ERBB4: variants seen among roughly 807,000 people sequenced by gnomAD.
ERBB4 encodes erb-b2 receptor tyrosine kinase 4.
In ERBB4, 42 loss-of-function variants were observed where a neutral mutation model predicts 158.0. The ratio of observed to expected loss-of-function variants is 0.27; its 90% CI spans 0.21 to 0.34. The LOEUF is 0.34. Ranked by LOEUF, ERBB4 falls within the 10% of genes least tolerant of loss-of-function variation. The probability of loss-of-function intolerance (pLI) is 1.00; values close to 1 mark genes in which losing one functional copy is unlikely to be tolerated. For missense variants in ERBB4, 1,333 were observed against 1,624.1 expected, an observed-to-expected ratio of 0.82 and a Z score of 3.08; for synonymous variants, 583 against 558.7, an observed-to-expected ratio of 1.04 and a Z score of -0.61.
intron 1 of ERBB4, among the ~76,000 whole-genome samples, chr2:212,406,438 T>A (rs1412866362): frequency 6.6e-6 from 1 of 152,164 alleles, no homozygotes; most frequent in East Asian, 1.9e-4. Flanking sequence ...TTTCTTGGTA[T>A]AAAATGAGAA....
chr2:211,436,037 G>A (rs1002591840), intron 20 of ERBB4, among the ~76,000 whole-genome samples: 4 of 151,964 alleles, frequency 2.6e-5, no homozygotes, highest in African/African-American at 4.8e-5. Flanking sequence ...GCTCACTGCA[G>A]CCTCAACCTC....
intron 1 of ERBB4, among the ~76,000 whole-genome samples, chr2:212,505,196 A>C (rs1235794202): frequency 6.6e-6 from 1 of 152,162 alleles, no homozygotes; most frequent in Non-Finnish European, 1.5e-5. Flanking sequence ...TCCCGGGTTC[A>C]AGCGATTCTC....
At chr2:212,101,465 A>T (rs940729631) in intron 2 of ERBB4, among the ~76,000 whole-genome samples, 2 of 151,460 alleles carry the variant, frequency 1.3e-5, no homozygotes, top group Admixed American at 1.3e-4. Context: ...AAAGATTTCC[A>T]AGCTTCTTAA....
chr2:212,248,723 T>C (rs1286589623), intron 1 of ERBB4, among the ~76,000 whole-genome samples: 3 of 152,118 alleles, frequency 2.0e-5, no homozygotes, highest in Non-Finnish European at 2.9e-5. Context: ...ATTAGCTAGA[T>C]TAGTACTAAA....
chr2:211,544,383 G>A (rs139163388), intron 20 of ERBB4, among the ~76,000 whole-genome samples: 6 of 152,128 alleles, frequency 3.9e-5, no homozygotes, highest in Admixed American at 6.5e-5. Context: ...AATTAGGCAT[G>A]GGTACCATCA....
chr2:212,185,052 A>T (rs1419770725), intron 1 of ERBB4, among the ~76,000 whole-genome samples: 8 of 99,352 alleles, frequency 8.1e-5, no homozygotes, highest in Non-Finnish European at 1.5e-4. Context: ...ACAGAGTCTC[A>T]CTCTGTTGCC....
intron 1 of ERBB4, among the ~76,000 whole-genome samples, chr2:212,432,372 C>T (rs1385193102): frequency 6.6e-6 from 1 of 152,028 alleles, no homozygotes; most frequent in Non-Finnish European, 1.5e-5. Context: ...TTGCAATTTG[C>T]TTTTAAGTTA....
rs34492305 is a variant in ERBB4, at chr2:211,675,792, T to TTATATATATATATATATATATA, written c.1623-2536_1623-2535insTATATATATATATATATATATA. On this transcript the variant is annotated intron_variant, in intron 13 of 27. Coordinates refer to ENST00000342788, the MANE Select transcript of ERBB4 (RefSeq NM_005235.3). ...TATAATATATATATAAAATATAATATTATATATATATATATATAACAAATA... is the reference window on the plus strand; with the variant it reads ...TATAATATATATATAAAATATAATATTATATATATATATATATATATATATATATATATATATATAACAAATA... Among the ~76,000 whole-genome samples the TTATATATATATATATATATATA allele has an allele frequency of 1.5e-4, 14 of 93,586 alleles. No homozygotes were observed. The South Asian group carries it at 1.9e-3, about 13-fold the overall frequency. The allele number at this position is 93,586 out of a possible 152,430, so 61.4% of individuals were successfully genotyped here.
chr2:212,272,325 C>T (rs1408405838), intron 1 of ERBB4, among the ~76,000 whole-genome samples: 1 of 151,376 alleles, frequency 6.6e-6, no homozygotes, highest in East Asian at 1.9e-4. Context: ...ACAAAGCCAA[C>T]TGCTCAACAA....
intron 2 of ERBB4, among the ~76,000 whole-genome samples, chr2:212,042,853 A>G (rs1000911531): frequency 6.6e-6 from 1 of 152,148 alleles, no homozygotes; most frequent in African/African-American, 2.4e-5. Context: ...TTTAGTCTAT[A>G]TTTTATAAGA....
At chr2:211,939,924 G>T (rs1381278260) in intron 3 of ERBB4, among the ~76,000 whole-genome samples, 1 of 147,244 alleles carries the variant, frequency 6.8e-6, no homozygotes, top group East Asian at 1.9e-4. Flanking sequence ...TCCAGCCTGG[G>T]CCACAGAGCA....
In ERBB4 at chr2:211,851,287, T is replaced by C. The variant is rs1425045774; in HGVS notation, c.422-63128A>G. ...ATGGTGTTAAGGTCTGCAAGAAATA[T>C]AATTTATTTAATGAAAATAAATTCA... On this transcript the variant is annotated intron_variant, in intron 3 of 27. Coordinates refer to ENST00000342788, the MANE Select transcript of ERBB4 (RefSeq NM_005235.3). Among the ~76,000 whole-genome samples, 3 of 151,968 alleles carry C rather than the reference T, an allele frequency of 2.0e-5. No individual in the cohort carries two copies. The East Asian group carries it at 5.8e-4, about 29-fold the overall frequency.
intron 10 of ERBB4, among the ~76,000 whole-genome samples, chr2:211,704,673 T>C (rs1435633152): frequency 2.0e-5 from 3 of 152,216 alleles, no homozygotes; most frequent in African/African-American, 7.2e-5. Flanking sequence ...ATGCTTAATA[T>C]GTATGTGCTA....
chr2:212,003,215 A>AGACAGAC (rs2076174895), intron 2 of ERBB4, among the ~76,000 whole-genome samples: 1 of 47,278 alleles, frequency 2.1e-5, no homozygotes, highest in African/African-American at 5.4e-5. Context: ...GACAGAAAGA[A>AGACAGAC]GGAAGGAAGG....
chr2:211,507,895 A>T lies in ERBB4; in HGVS notation c.2487+54008T>A, dbSNP rs189633704. ...ACAAGCAATGGAGAAAGGATTCCCTATTTAATAAAAGGTTCTGGGAAAACT... is the reference window on the plus strand; with the variant it reads ...ACAAGCAATGGAGAAAGGATTCCCTTTTTAATAAAAGGTTCTGGGAAAACT... On this transcript the variant is annotated intron_variant, in intron 20 of 27. Transcript: ENST00000342788. 5.8e-3 allele frequency among the ~76,000 whole-genome samples: 890 copies of T among 152,300 alleles called. 15 individuals carry two copies. The highest frequency in any genetic ancestry group is 0.02 in the African/African-American group (843 of 41,590).
intron 2 of ERBB4, among the ~76,000 whole-genome samples, chr2:211,997,094 G>T (rs553738618): frequency 5.3e-5 from 8 of 152,074 alleles, no homozygotes; most frequent in African/African-American, 1.7e-4. Flanking sequence ...GAAACAAGAT[G>T]AAGAGAGCAT....
rs147226002 is a variant in ERBB4 at position 211,713,557 on chromosome 2, A to C, written c.975T>G (p.Pro325=). ...CACCTTTTGGGCAAATGTCAGTGCA[A>C]GGTTTACACATTTTAATCCCATTTT... The part of the protein sequence containing the change: ...VEENGIKMCK[P]CTDICPKACD... The change falls in exon 8 of 28, where the codon CCT becomes CCG. Residue 325 remains proline, a synonymous_variant. Coordinates refer to ENST00000342788, the MANE Select transcript of ERBB4 (RefSeq NM_005235.3). 45 of 1,608,884 alleles carry C rather than the reference A, an allele frequency of 2.8e-5. No homozygotes were observed. In the African/African-American group the frequency reaches 5.5e-4, roughly 20 times the overall value.
chr2:212,086,416 G>T (rs560052072), intron 2 of ERBB4, among the ~76,000 whole-genome samples: 8 of 149,316 alleles, frequency 5.4e-5, no homozygotes, highest in East Asian at 3.9e-4. Context: ...GATTTAAATC[G>T]CACTAAGGCC....
intron 3 of ERBB4, among the ~76,000 whole-genome samples, chr2:211,943,957 T>A (rs982876711): frequency 6.6e-6 from 1 of 151,272 alleles, no homozygotes; most frequent in Non-Finnish European, 1.5e-5. Context: ...AACTAATATC[T>A]CTTTTACACA....
Sources: allele counts gnomAD v4.1 joint callset (sites outside exome capture counted in the v4.1 genomes callset), GRCh38; gene constraint gnomAD v4.1.1; transcripts MANE v1.5; gene names NCBI Gene and HGNC (gene_info 2026-07-23, HGNC 2026-07-21).